The following SAG variants were observed in gnomAD, a reference collection of about 807,000 sequenced individuals.
The protein encoded by SAG is S-arrestin.
A neutral mutation model predicts 55.0 loss-of-function variants in SAG; 45 were observed. That is an observed-to-expected ratio of 0.82 (90% CI 0.64 to 1.05). The LOEUF is 1.05. Ranked by LOEUF, SAG falls within the 50% of genes least tolerant of loss-of-function variation. SAG has a pLI of 0.00. For synonymous variants in SAG, 189 were observed against 197.4 expected (o/e 0.96, Z 0.36); for missense variants, 455 against 512.1 (o/e 0.89, Z 1.08).
chr2:233,312,456 T>C (rs1169580815), intron 2 of SAG, among the ~76,000 whole-genome samples: 1 of 152,226 alleles, frequency 6.6e-6, no homozygotes, highest in Admixed American at 6.5e-5. Flanking sequence ...TGAAACCATG[T>C]GGTCAAAGTG....
chr2:233,320,675 T>C lies in SAG; in HGVS notation c.227T>C (p.Ile76Thr), dbSNP rs1436250626. The C allele has an allele frequency of 2.5e-6, 4 of 1,607,310 alleles. No homozygotes were observed. Among genetic ancestry groups the C allele is most frequent in the Non-Finnish European group, 3.4e-6 (4 of 1,176,988 alleles). Residue 76 changes from isoleucine (I) to threonine (T), a missense_variant, in exon 5 of 16, where the codon ATT becomes ACT. Ile to Thr is a moderately conservative substitution (Grantham distance 89). Coordinates refer to ENST00000409110, the MANE Select transcript of SAG (RefSeq NM_000541.5). Reference sequence around the variant, plus strand: ...GCCTTCCGCTATGGCCAAGAGGACATTGACGTGATCGGCTTGACCTTCCGC... The same window carrying C: ...GCCTTCCGCTATGGCCAAGAGGACACTGACGTGATCGGCTTGACCTTCCGC... ...TCAFRYGQED[I>T]DVIGLTFRRD... is the part of the protein sequence containing the mutation.
intron 2 of SAG, among the ~76,000 whole-genome samples, chr2:233,309,626 C>T (rs1362865546): frequency 1.3e-5 from 2 of 151,784 alleles, no homozygotes; most frequent in Non-Finnish European, 2.9e-5. Context: ...GCCTGGGTAG[C>T]AGAGGGAGAC....
At chr2:233,335,193 C>T in intron 11 of SAG, 94 bp downstream of exon 11, 2 of 1,460,138 alleles carry the variant, frequency 1.4e-6, no homozygotes, top group Non-Finnish European at 1.8e-6. Flanking sequence ...CGCAGGCACG[C>T]ACGTGCAGCA....
At chr2:233,328,734 A>G (rs1181660838) in intron 8 of SAG, 121 bp downstream of exon 8, 2 of 1,124,262 alleles carry the variant, frequency 1.8e-6, no homozygotes, top group Non-Finnish European at 1.2e-6. Context: ...GCTTGTTTCT[A>G]GGATAAAGCA....
intron 11 of SAG, among the ~76,000 whole-genome samples, chr2:233,335,575 GTTCATTCATTCA>G (rs3838576): frequency 4.0e-5 from 6 of 151,506 alleles, no homozygotes; most frequent in East Asian, 1.9e-4. Flanking sequence ...TCTTGGCTGT[GTTCATTCATTCA>G]TTCATTCATT....
intron 2 of SAG, among the ~76,000 whole-genome samples, chr2:233,313,247 A>C (rs1338244800): frequency 6.6e-6 from 1 of 152,226 alleles, no homozygotes; most frequent in African/African-American, 2.4e-5. Flanking sequence ...GTGAAAGTGC[A>C]GCAGAAGGGC....
chr2:233,315,997 G>T (rs181158151), intron 2 of SAG, 78 bp from the exon 3 acceptor site: 14 of 857,542 alleles, frequency 1.6e-5, no homozygotes, highest in Middle Eastern at 4.6e-4. Flanking sequence ...ACCGCGCCCG[G>T]GCTGCTGCTG....
At position 233,307,929 on chromosome 2, in the gene SAG, C is replaced by T. The variant is rs918039677; in HGVS notation, c.-122C>T. Reference sequence around the variant, plus strand: ...CATCTGGCAAGACGGTACCAGCTTGCTCAGAACAGGGGCTGGCTATTCATC... The same window carrying T: ...CATCTGGCAAGACGGTACCAGCTTGTTCAGAACAGGGGCTGGCTATTCATC... On this transcript the variant is annotated 5_prime_UTR_variant, in exon 1 of 16. Transcript: ENST00000409110. 6.6e-6 allele frequency: 1 copy of T among 152,422 alleles called. No homozygotes were observed. Among genetic ancestry groups the T allele is most frequent in the Admixed American group, 6.5e-5 (1 of 15,282 alleles). 9.4% of individuals were successfully genotyped at this position (152,422 alleles called of 1,614,324 possible).
At chr2:233,329,727 A>T in intron 9 of SAG, 150 bp downstream of exon 9, 1 of 619,158 alleles carries the variant, frequency 1.6e-6, no homozygotes, top group Middle Eastern at 3.2e-4. Context: ...AGGACTGCGG[A>T]GGGAGAAAGG....
chr2:233,325,116 A>G (rs898366477), intron 6 of SAG, among the ~76,000 whole-genome samples: 2 of 151,102 alleles, frequency 1.3e-5, no homozygotes, highest in African/African-American at 4.9e-5. Context: ...ATCCCAGCCA[A>G]TTGCTTGAAC....
intron 2 of SAG, among the ~76,000 whole-genome samples, chr2:233,313,659 C>A (rs1397014039): frequency 6.6e-6 from 1 of 151,324 alleles, no homozygotes; most frequent in Non-Finnish European, 1.5e-5. Flanking sequence ...GATCCTCCTT[C>A]CTCAGCTTCC....
rs1168298760 is a variant in SAG, at chr2:233,342,345, T to A, written c.1102+19T>A. ...GACCCAGGTCAGTTATGTCCTTTTT[T>A]AGCTTTCTTTAATTATTTGCTACTT... On this transcript the variant is annotated intron_variant, in intron 14 of 15. Transcript: ENST00000409110. 14 of 1,576,648 alleles carry A rather than the reference T, an allele frequency of 8.9e-6. No individual in the cohort carries two copies. The highest frequency in any genetic ancestry group is 1.2e-5 in the Non-Finnish European group (14 of 1,154,788).
chr2:233,344,154 T>A (rs1396265633), intron 14 of SAG: 1 of 152,326 alleles, frequency 6.6e-6, no homozygotes, highest in Non-Finnish European at 1.5e-5. Context: ...TTTCTGGAAC[T>A]TTGAGTAGAC....
chr2:233,314,286 G>A (rs945427900), intron 2 of SAG, among the ~76,000 whole-genome samples: 1 of 152,038 alleles, frequency 6.6e-6, no homozygotes, highest in Non-Finnish European at 1.5e-5. Context: ...GCAGCTGGGT[G>A]CTGGCACCTC....
chr2:233,331,926 G>C (rs1221897183), intron 10 of SAG: 3 of 569,790 alleles, frequency 5.3e-6, no homozygotes, highest in Non-Finnish European at 9.4e-6. Context: ...GGAGTTCTGA[G>C]GATTAATGCA....
chr2:233,312,953 A>G (rs1452540740), intron 2 of SAG, among the ~76,000 whole-genome samples: 1 of 152,122 alleles, frequency 6.6e-6, no homozygotes, highest in African/African-American at 2.4e-5. Context: ...GACCTTGGGG[A>G]CCAAGGGGAT....
intron 2 of SAG, among the ~76,000 whole-genome samples, chr2:233,310,412 A>G (rs1484649197): frequency 1.3e-5 from 2 of 152,142 alleles, no homozygotes; most frequent in Non-Finnish European, 2.9e-5. Context: ...TGTTTACAGA[A>G]CATGTCAATT....
chr2:233,337,805 G>T (rs762167756), intron 11 of SAG, among the ~76,000 whole-genome samples: 1 of 152,116 alleles, frequency 6.6e-6, no homozygotes, highest in Non-Finnish European at 1.5e-5. Flanking sequence ...AGCATTTCAT[G>T]ATTTTTTTCA....
At chr2:233,309,805 T>C (rs1473474739) in intron 2 of SAG, among the ~76,000 whole-genome samples, 1 of 152,216 alleles carries the variant, frequency 6.6e-6, no homozygotes, top group Non-Finnish European at 1.5e-5. Flanking sequence ...GTCCCTCAGT[T>C]TTCTCCGAAT....
Sources: allele counts gnomAD v4.1 joint callset (sites outside exome capture counted in the v4.1 genomes callset), GRCh38; gene constraint gnomAD v4.1.1; transcripts MANE v1.5; gene names NCBI Gene and HGNC (gene_info 2026-07-23, HGNC 2026-07-21).